CACNA2D3: variants seen among roughly 807,000 people sequenced by gnomAD.
CACNA2D3 encodes voltage-dependent calcium channel subunit alpha-2/delta-3.
Under a neutral mutation model 160.6 loss-of-function variants are expected in CACNA2D3, and 60 were observed. The ratio of observed to expected loss-of-function variants is 0.37; its 90% CI spans 0.30 to 0.46. CACNA2D3 has a LOEUF of 0.46. CACNA2D3 is among the 20% of genes least tolerant of loss of function. The probability of loss-of-function intolerance (pLI) is 1.00; values close to 1 mark genes in which losing one functional copy is unlikely to be tolerated. For synonymous variants in CACNA2D3, 558 were observed against 492.9 expected, an observed-to-expected ratio of 1.13 and a Z score of -1.75; for missense variants, 1,205 against 1,365.0, an observed-to-expected ratio of 0.88 and a Z score of 1.85.
At chr3:54,999,047 G>C (rs1323105192) in intron 31 of CACNA2D3, among the ~76,000 whole-genome samples, 1 of 152,148 alleles carries the variant, frequency 6.6e-6, no homozygotes. Context: ...CGCCCGGCCA[G>C]CTAAAGTTGT....
intron 4 of CACNA2D3, among the ~76,000 whole-genome samples, chr3:54,480,735 T>C (rs2106898923): frequency 6.6e-6 from 1 of 152,280 alleles, no homozygotes; most frequent in East Asian, 1.9e-4. Context: ...TGGGCTTGTA[T>C]TTCCATTTAC....
At chr3:54,615,661 G>C (rs1698834664) in intron 9 of CACNA2D3, among the ~76,000 whole-genome samples, 1 of 152,176 alleles carries the variant, frequency 6.6e-6, no homozygotes, top group African/African-American at 2.4e-5. Context: ...TGATATCTGG[G>C]ATGTGCTTCA....
At chr3:54,510,213 A>AATGGATGG (rs142922255) in intron 5 of CACNA2D3, among the ~76,000 whole-genome samples, 1 of 150,132 alleles carries the variant, frequency 6.7e-6, no homozygotes, top group Non-Finnish European at 1.5e-5. Flanking sequence ...TAGGTGGGGG[A>AATGGATGG]ATGGATGGAT....
At chr3:54,380,835 CTGTT>C (rs1559465853) in intron 3 of CACNA2D3, among the ~76,000 whole-genome samples, 3 of 152,158 alleles carry the variant, frequency 2.0e-5, no homozygotes, top group South Asian at 2.1e-4. Context: ...CTTAATTCCT[CTGTT>C]TGGCCATTTT....
At chr3:54,696,658 C>T (rs1257051336) in intron 11 of CACNA2D3, among the ~76,000 whole-genome samples, 2 of 152,130 alleles carry the variant, frequency 1.3e-5, no homozygotes, top group East Asian at 1.9e-4. Context: ...TGTATGTGCA[C>T]CTACCATCAT....
chr3:54,212,583 A>G (rs1701395325), intron 2 of CACNA2D3, among the ~76,000 whole-genome samples: 2 of 152,138 alleles, frequency 1.3e-5, no homozygotes, highest in Non-Finnish European at 2.9e-5. Context: ...TGTTGATGTT[A>G]ATGCTGGTTG....
intron 13 of CACNA2D3, among the ~76,000 whole-genome samples, chr3:54,805,350 T>C (rs996459069): frequency 8.6e-5 from 13 of 152,024 alleles, no homozygotes; most frequent in African/African-American, 3.1e-4. Context: ...ATAGACGCAA[T>C]AAAAAATGAT....
chr3:54,576,582 G>A (rs1702585625), intron 8 of CACNA2D3, among the ~76,000 whole-genome samples: 1 of 152,214 alleles, frequency 6.6e-6, no homozygotes, highest in Non-Finnish European at 1.5e-5. Flanking sequence ...AGGGCGGAGA[G>A]TTTGGAGGTT....
At chr3:54,349,977 A>G (rs950898631) in intron 3 of CACNA2D3, among the ~76,000 whole-genome samples, 5 of 152,140 alleles carry the variant, frequency 3.3e-5, no homozygotes, top group Admixed American at 3.3e-4. Context: ...TTGGTCATGC[A>G]TTTGTCTTGT....
chr3:54,588,877 A>T (rs987141290), intron 9 of CACNA2D3, among the ~76,000 whole-genome samples: 1 of 151,362 alleles, frequency 6.6e-6, no homozygotes, highest in African/African-American at 2.4e-5. Flanking sequence ...TTTCAAACTG[A>T]TATGTAGGTT....
At chr3:54,691,303 C>T (rs187251224) in intron 11 of CACNA2D3, among the ~76,000 whole-genome samples, 10 of 152,304 alleles carry the variant, frequency 6.6e-5, no homozygotes, top group Admixed American at 2.0e-4. Context: ...TGCTCCCCTC[C>T]CCAAGATATT....
chr3:54,715,410 C>A (rs1017977022), intron 11 of CACNA2D3, among the ~76,000 whole-genome samples: 6 of 152,242 alleles, frequency 3.9e-5, no homozygotes, highest in Non-Finnish European at 8.8e-5. Flanking sequence ...TGAAACCTCT[C>A]AGAACTCAGT....
chr3:54,811,699 C>T (rs1434617905), intron 13 of CACNA2D3, among the ~76,000 whole-genome samples: 1 of 151,916 alleles, frequency 6.6e-6, no homozygotes, highest in African/African-American at 2.4e-5. Flanking sequence ...CAGGGTTTCG[C>T]CATGTTGGCC....
intron 2 of CACNA2D3, among the ~76,000 whole-genome samples, chr3:54,249,588 C>CACACACACA (rs58638743): frequency 7.4e-4 from 109 of 147,530 alleles, no homozygotes; most frequent in African/African-American, 1.2e-3. Context: ...CACACACACA[C>CACACACACA]CAGGCTACAT....
intron 2 of CACNA2D3, among the ~76,000 whole-genome samples, chr3:54,178,250 C>T (rs771776903): frequency 6.6e-6 from 1 of 152,224 alleles, no homozygotes. Flanking sequence ...ATGAGAAGCT[C>T]TGCTGTTCTC....
At chr3:54,478,830 C>G (rs1052588325) in intron 4 of CACNA2D3, among the ~76,000 whole-genome samples, 4 of 150,260 alleles carry the variant, frequency 2.7e-5, no homozygotes, top group Non-Finnish European at 5.9e-5. Flanking sequence ...TGCTTATGTT[C>G]AGATAACCCT....
chr3:54,694,397 A>G (rs1700624528), intron 11 of CACNA2D3, among the ~76,000 whole-genome samples: 1 of 152,200 alleles, frequency 6.6e-6, no homozygotes, highest in African/African-American at 2.4e-5. Context: ...GTAATAACAC[A>G]TTTTTTTAGA....
chr3:54,529,861 C>T lies in CACNA2D3; in HGVS notation c.544+26207C>T, dbSNP rs564306905. ...GGATATTTTAGATTTCACAAGCGGC[C>T]ATCAGGAATTTTAGGAGTGTGTATT... is the stretch of plus-strand genomic sequence containing the variant. On this transcript the variant is annotated intron_variant, in intron 5 of 37. Transcript: ENST00000474759. Among the ~76,000 whole-genome samples the T allele has an allele frequency of 8.5e-5, 13 of 152,090 alleles. No individual in the cohort carries two copies. The East Asian group carries it at 1.5e-3, about 18-fold the overall frequency.
At chr3:54,370,529 C>G (rs145109628) in intron 3 of CACNA2D3, among the ~76,000 whole-genome samples, 1 of 152,114 alleles carries the variant, frequency 6.6e-6, no homozygotes, top group Admixed American at 6.5e-5. Context: ...CCCTGGTGAG[C>G]GGATGAGAAC....
Sources: allele counts gnomAD v4.1 joint callset (sites outside exome capture counted in the v4.1 genomes callset), GRCh38; gene constraint gnomAD v4.1.1; transcripts MANE v1.5; gene names NCBI Gene and HGNC (gene_info 2026-07-23, HGNC 2026-07-21).